LIPA: variants seen among roughly 807,000 people sequenced by gnomAD.
The protein encoded by LIPA is lysosomal acid lipase/cholesteryl ester hydrolase.
A neutral mutation model predicts 40.6 loss-of-function variants in LIPA; 26 were observed. The ratio of observed to expected loss-of-function variants is 0.64; its 90% CI spans 0.47 to 0.89. LIPA has a LOEUF of 0.89. Ranked by LOEUF, LIPA falls within the 40% of genes least tolerant of loss-of-function variation. The pLI is 0.00. For missense variants in LIPA, 455 were observed against 479.6 expected, an observed-to-expected ratio of 0.95 and a Z score of 0.48; for synonymous variants, 188 against 168.4, an observed-to-expected ratio of 1.12 and a Z score of -0.90.
At chr10:89,394,103 T>A (rs898117304) in intron 2 of LIPA, among the ~76,000 whole-genome samples, 10 of 152,208 alleles carry the variant, frequency 6.6e-5, no homozygotes, top group African/African-American at 2.4e-4. Flanking sequence ...ATTTCATCAT[T>A]ATGCAAACAT....
chr10:89,254,932 C>T (rs370710293), upstream of LIPA, among the ~76,000 whole-genome samples: 7 of 152,198 alleles, frequency 4.6e-5, no homozygotes, highest in Admixed American at 4.6e-4. Context: ...TTTCTCATCT[C>T]CATCTGAGAC....
chr10:89,366,806 C>T (rs966287867), intron 2 of LIPA, among the ~76,000 whole-genome samples: 2 of 152,242 alleles, frequency 1.3e-5, no homozygotes, highest in East Asian at 3.9e-4. Context: ...ACCATTTGAC[C>T]CAGCCATCCC....
At chr10:89,307,571 C>T in intron 1 of LIPA, 1 of 510,220 alleles carries the variant, frequency 2.0e-6, no homozygotes, top group South Asian at 3.1e-5. Context: ...GGGAGAGGGA[C>T]CAGATTGGGG....
intron 8 of LIPA, among the ~76,000 whole-genome samples, chr10:89,217,426 G>A (rs115859966): frequency 0.012 from 1,771 of 152,320 alleles, 16 homozygotes; most frequent in Middle Eastern, 0.051. Context: ...TGGTACATCT[G>A]TTCCCCATCT....
At chr10:89,235,639 G>C (rs1842895908) in intron 3 of LIPA, among the ~76,000 whole-genome samples, 1 of 152,218 alleles carries the variant, frequency 6.6e-6, no homozygotes, top group Non-Finnish European at 1.5e-5. Context: ...TTCTCTGCCA[G>C]GATGCTGAGT....
chr10:89,331,379 G>A (rs1354826119), intron 1 of LIPA, among the ~76,000 whole-genome samples: 1 of 152,052 alleles, frequency 6.6e-6, no homozygotes, highest in Non-Finnish European at 1.5e-5. Context: ...TGCCATGTTG[G>A]TCAGGTTGGT....
At chr10:89,362,856 A>T in intron 2 of LIPA, 1 of 329,512 alleles carries the variant, frequency 3.0e-6, no homozygotes, top group Non-Finnish European at 5.8e-6. Context: ...GTATGTCATC[A>T]CTGCCTATTG....
chr10:89,250,667 A>G (rs1487193394), intron 1 of LIPA, among the ~76,000 whole-genome samples: 1 of 152,244 alleles, frequency 6.6e-6, no homozygotes. Flanking sequence ...CGGTTTTCCT[A>G]CAGAACCTGT....
chr10:89,324,017 T>C (rs988572231), intron 1 of LIPA, among the ~76,000 whole-genome samples: 23 of 152,172 alleles, frequency 1.5e-4, no homozygotes, highest in Non-Finnish European at 1.3e-4. Context: ...TTACCTGACT[T>C]TGAACTATAC....
intron 1 of LIPA, among the ~76,000 whole-genome samples, chr10:89,303,850 G>C (rs966861257): frequency 2.6e-5 from 4 of 152,210 alleles, no homozygotes; most frequent in African/African-American, 9.6e-5. Context: ...GAGTCTTCAG[G>C]TGTTAGGATG....
Position 89,214,813 on chromosome 10 carries a change from G to C in LIPA, c.*15C>G. On this transcript the variant is annotated 3_prime_UTR_variant, in exon 10 of 10. Coordinates refer to ENST00000336233, the MANE Select transcript of LIPA (RefSeq NM_000235.4). ...ATAATCATTGACTTGGTGGTACACA[G>C]CTCAAGTCCAGCTTTCACTGATATT... 1.4e-6 allele frequency: 2 copies of C among 1,419,720 alleles called. No homozygotes were observed. Among genetic ancestry groups the C allele is most frequent in the Admixed American group, 3.4e-5 (2 of 59,692 alleles). 87.9% of individuals were successfully genotyped at this position (1,419,720 alleles called of 1,614,324 possible).
At chr10:89,364,198 A>G (rs1844042869) in intron 2 of LIPA, among the ~76,000 whole-genome samples, 1 of 152,194 alleles carries the variant, frequency 6.6e-6, no homozygotes, top group South Asian at 2.1e-4. Flanking sequence ...TGTGGCAGCA[A>G]TATCAGCACT....
intron 2 of LIPA, among the ~76,000 whole-genome samples, chr10:89,373,192 G>A (rs1372609741): frequency 5.9e-5 from 9 of 151,810 alleles, no homozygotes; most frequent in African/African-American, 1.9e-4. Context: ...AACATTTGCC[G>A]GGCGTGGTGG....
intron 2 of LIPA, chr10:89,402,571 G>A (rs1410550600): frequency 2.5e-6 from 4 of 1,613,984 alleles, no homozygotes; most frequent in Non-Finnish European, 3.4e-6. Flanking sequence ...GTGACCTGGG[G>A]CAACTTTGCC....
At chr10:89,220,227 G>A (rs769727998) in intron 8 of LIPA, among the ~76,000 whole-genome samples, 41 of 152,204 alleles carry the variant, frequency 2.7e-4, no homozygotes, top group Non-Finnish European at 4.3e-4. Flanking sequence ...GAGGCCTGGC[G>A]TGTACTGTGT....
At chr10:89,220,448 C>T (rs1842683712) in intron 8 of LIPA, among the ~76,000 whole-genome samples, 1 of 152,118 alleles carries the variant, frequency 6.6e-6, no homozygotes, top group African/African-American at 2.4e-5. Flanking sequence ...AAACAAGTGA[C>T]TATAAGCATA....
At chr10:89,313,336 G>T (rs1843525342) in intron 1 of LIPA, among the ~76,000 whole-genome samples, 1 of 152,158 alleles carries the variant, frequency 6.6e-6, no homozygotes, top group African/African-American at 2.4e-5. Flanking sequence ...CAGAAATGAA[G>T]ATCATACCAG....
At chr10:89,250,107 C>CTTTTTTTTTTTTTTTTTTTTTTTTTTTTT (rs398038546) in intron 1 of LIPA, among the ~76,000 whole-genome samples, 16 of 96,068 alleles carry the variant, frequency 1.7e-4, no homozygotes, top group African/African-American at 2.3e-4. Context: ...TCTTTTCTTT[C>CTTTTTTTTTTTTTTTTTTTTTTTTTTTTT]TTTTTTTTTT....
In LIPA at chr10:89,367,163, C is replaced by T. The variant is rs1027740107; in HGVS notation, c.61+45628G>A. ...ACACAGAAAAGGGAACATCACACAC[C>T]GGGGCCTGTCGTGGGGTGGGGGGAG... On this transcript the variant is annotated intron_variant, in intron 2 of 8. Coordinates refer to the LIPA transcript ENST00000371837. Among the ~76,000 whole-genome samples, 4 of 138,708 alleles carry T rather than the reference C, an allele frequency of 2.9e-5. No homozygotes were observed. The Admixed American group carries it at 3.0e-4, about 10-fold the overall frequency. The allele number at this position is 138,708 out of a possible 152,430, so 91.0% of individuals were successfully genotyped here.
Sources: gnomAD v4.1 joint callset for allele counts (sites outside exome capture counted in the v4.1 genomes callset) on GRCh38, gnomAD v4.1.1 for gene constraint, MANE v1.5 for transcripts, NCBI Gene and HGNC (gene_info 2026-07-23, HGNC 2026-07-21) for gene names.